Variants in BICD1 observed in about 807,000 individuals in gnomAD.
BICD1 encodes the protein BICD cargo adaptor 1.
A neutral mutation model predicts 92.5 loss-of-function variants in BICD1; 35 were observed. The ratio of observed to expected loss-of-function variants is 0.38; its 90% CI spans 0.29 to 0.50. BICD1 has a LOEUF of 0.50. BICD1 is among the 20% of genes least tolerant of loss of function. BICD1 has a pLI of 0.93. For missense variants in BICD1, 950 were observed against 1,189.8 expected, an observed-to-expected ratio of 0.80 and a Z score of 2.97; for synonymous variants, 429 against 465.1, an observed-to-expected ratio of 0.92 and a Z score of 1.00.
rs185804171 is a variant in BICD1, at chr12:32,301,385, C to T, written c.580-4312C>T. ...TTTAGTGTGGGAAAGGTTGTTTGCT[C>T]GGTGGAAAAGGTTGGAGAGAGTCAG... is the stretch of plus-strand genomic sequence containing the variant. On this transcript the variant is annotated intron_variant, in intron 3 of 9. Transcript: ENST00000652176. Among the ~76,000 whole-genome samples, 5 of 152,054 alleles carry T rather than the reference C, an allele frequency of 3.3e-5. No homozygotes were observed. In the South Asian group the frequency reaches 6.3e-4, roughly 19 times the overall value.
rs368843874 is a variant in BICD1 at position 32,198,065 on chromosome 12, C to T, written c.214-18182C>T. On this transcript the variant is annotated intron_variant, in intron 1 of 9. Transcript: ENST00000652176. ...TACTAAAAATGCAAAATTAGCCGGG[C>T]GTGGTGGCTCATGCCTGTAATCCCA... is the stretch of plus-strand genomic sequence containing the variant. Among the ~76,000 whole-genome samples the T allele has an allele frequency of 4.0e-5, 6 of 151,750 alleles. No homozygotes were observed. In the South Asian group the frequency reaches 1.0e-3, roughly 26 times the overall value.
At chr12:32,117,843 C>T (rs1273425180) in intron 1 of BICD1, among the ~76,000 whole-genome samples, 1 of 149,828 alleles carries the variant, frequency 6.7e-6, no homozygotes, top group African/African-American at 2.4e-5. Flanking sequence ...CTCCACCTCC[C>T]AGTTTCAAGC....
chr12:32,130,617 TG>T (rs755744537), intron 1 of BICD1, among the ~76,000 whole-genome samples: 41 of 152,286 alleles, frequency 2.7e-4, no homozygotes, highest in South Asian at 2.3e-3. Context: ...ATACAGTGCT[TG>T]GGCCCAGCAG....
At chr12:32,234,830 A>C (rs1391747776) in intron 2 of BICD1, among the ~76,000 whole-genome samples, 2 of 151,778 alleles carry the variant, frequency 1.3e-5, no homozygotes, top group African/African-American at 2.4e-5. Context: ...GACTACAGCC[A>C]TGTGCCATCA....
Position 32,265,126 on chromosome 12 carries a change from T to C in BICD1, c.427-28868T>C, listed in dbSNP as rs1178635313. ...GTCTCTGGGTTTCCCCTTCTTGCAC[T>C]TGCAGTTTATACATTGCCTCCAAGC... On this transcript the variant is annotated intron_variant, in intron 2 of 9. Transcript: ENST00000652176. Among the ~76,000 whole-genome samples, 5 of 151,880 alleles carry C rather than the reference T, an allele frequency of 3.3e-5. 1 individual carries two copies. In the South Asian group the frequency reaches 8.3e-4, roughly 25 times the overall value.
At chr12:32,164,466 A>G (rs1229531048) in intron 1 of BICD1, among the ~76,000 whole-genome samples, 1 of 152,194 alleles carries the variant, frequency 6.6e-6, no homozygotes, top group Non-Finnish European at 1.5e-5. Context: ...ACGCAATCCT[A>G]TCTTTGTCTC....
rs149021138 is a variant in BICD1 at position 32,263,651 on chromosome 12, G to A, written c.427-30343G>A. ...AAATAATTATTTGCAACACATCATAGAGCCAGTTCTCACCTGGCAATAAGG... is the reference window on the plus strand; with the variant it reads ...AAATAATTATTTGCAACACATCATAAAGCCAGTTCTCACCTGGCAATAAGG... On this transcript the variant is annotated intron_variant, in intron 2 of 9. Coordinates refer to ENST00000652176, the MANE Select transcript of BICD1 (RefSeq NM_001714.4). Among the ~76,000 whole-genome samples the A allele has an allele frequency of 9.4e-3, 1,429 of 151,772 alleles. 12 individuals carry two copies. The highest frequency in any genetic ancestry group is 0.023 in the African/African-American group (939 of 41,376).
intron 1 of BICD1, among the ~76,000 whole-genome samples, chr12:32,153,755 A>C (rs532005294): frequency 1.3e-5 from 2 of 149,690 alleles, no homozygotes; most frequent in South Asian, 4.2e-4. Flanking sequence ...GACTTTGTAT[A>C]TATATGTGTG....
intron 8 of BICD1, among the ~76,000 whole-genome samples, chr12:32,364,726 A>T (rs2136326804): frequency 1.3e-5 from 2 of 152,004 alleles, no homozygotes; most frequent in South Asian, 4.2e-4. Context: ...CGAGGCAGGA[A>T]GACTGCTTGA....
chr12:32,259,706 T>C (rs1008145431), intron 2 of BICD1, among the ~76,000 whole-genome samples: 1 of 152,188 alleles, frequency 6.6e-6, no homozygotes, highest in African/African-American at 2.4e-5. Flanking sequence ...TCACATTTCA[T>C]TGGCCAAAGG....
intron 8 of BICD1, chr12:32,353,054 A>T (rs1026295559): frequency 1.8e-4 from 28 of 152,226 alleles, no homozygotes; most frequent in Non-Finnish European, 3.7e-4. Context: ...TTAAACATAA[A>T]TTTTTTTCTC....
intron 8 of BICD1, among the ~76,000 whole-genome samples, chr12:32,360,804 A>G (rs1939296788): frequency 6.6e-6 from 1 of 152,240 alleles, no homozygotes; most frequent in Non-Finnish European, 1.5e-5. Flanking sequence ...CTAATCTTAC[A>G]TAAAGCTATC....
At chr12:32,293,704 C>T (rs1209297425) in intron 2 of BICD1, among the ~76,000 whole-genome samples, 2 of 152,138 alleles carry the variant, frequency 1.3e-5, no homozygotes, top group African/African-American at 4.8e-5. Context: ...AAATAGCAAA[C>T]GTTTAGACTG....
intron 1 of BICD1, among the ~76,000 whole-genome samples, chr12:32,191,501 C>T (rs1384737148): frequency 1.3e-5 from 2 of 150,620 alleles, no homozygotes; most frequent in African/African-American, 4.9e-5. Flanking sequence ...CGCATGTGCT[C>T]ACTCTGTGTC....
intron 2 of BICD1, among the ~76,000 whole-genome samples, chr12:32,275,535 T>G (rs765261927): frequency 7.1e-4 from 108 of 152,316 alleles, no homozygotes; most frequent in Non-Finnish European, 1.2e-3. Context: ...GGCAACCCCC[T>G]TTGGGTCCCC....
At chr12:32,122,978 G>A (rs1314305666) in intron 1 of BICD1, among the ~76,000 whole-genome samples, 1 of 152,170 alleles carries the variant, frequency 6.6e-6, no homozygotes, top group Non-Finnish European at 1.5e-5. Context: ...TCAGATTTGG[G>A]TGTTGAAAAT....
intron 3 of BICD1, among the ~76,000 whole-genome samples, chr12:32,297,046 C>T (rs1008950286): frequency 1.3e-5 from 2 of 152,186 alleles, no homozygotes; most frequent in African/African-American, 4.8e-5. Context: ...TCATTTTCTG[C>T]ACAGAGCACC....
At chr12:32,245,784 C>A (rs1398068576) in intron 2 of BICD1, among the ~76,000 whole-genome samples, 1 of 151,520 alleles carries the variant, frequency 6.6e-6, no homozygotes, top group African/African-American at 2.4e-5. Flanking sequence ...TAATCCCACA[C>A]TTTGGGAGGC....
chr12:32,309,679 G>A (rs1008568139), intron 4 of BICD1, among the ~76,000 whole-genome samples: 1 of 152,130 alleles, frequency 6.6e-6, no homozygotes, highest in Non-Finnish European at 1.5e-5. Flanking sequence ...GCAGTTGCAG[G>A]CGTTGTAGGA....
Sources: allele counts gnomAD v4.1 joint callset (sites outside exome capture counted in the v4.1 genomes callset), GRCh38; gene constraint gnomAD v4.1.1; transcripts MANE v1.5; gene names NCBI Gene and HGNC (gene_info 2026-07-23, HGNC 2026-07-21).